PRH1: variants seen among roughly 807,000 people sequenced by gnomAD.
PRH1 encodes the protein salivary acidic proline-rich phosphoprotein 1/2.
In PRH1, 7 loss-of-function variants were observed where a neutral mutation model predicts 7.9. The observed-to-expected ratio is 0.89, with a 90% CI of 0.50 to 1.67. PRH1 has a LOEUF of 1.67. Ranked by LOEUF, PRH1 falls within the 40% of genes most tolerant of loss-of-function variation. PRH1 has a pLI of 0.00. For synonymous variants in PRH1, 45 were observed against 80.8 expected (o/e 0.56, Z 2.38); for missense variants, 109 against 223.6 (o/e 0.49, Z 3.27).
intron 1 of PRH1, among the ~76,000 whole-genome samples, chr12:10,982,305 G>C (rs1939393978): frequency 6.6e-6 from 1 of 152,166 alleles, no homozygotes; most frequent in South Asian, 2.1e-4. Context: ...AGTTCCAGGG[G>C]GCGGTCGTCC....
intron 2 of PRH1, among the ~76,000 whole-genome samples, chr12:10,963,804 T>C (rs1938370905): frequency 1.3e-5 from 2 of 152,228 alleles, no homozygotes; most frequent in South Asian, 4.1e-4. Context: ...ATTCCAAATA[T>C]ATTTTTCATC....
At chr12:11,161,088 C>A (rs1947400427) in intron 1 of PRH1, among the ~76,000 whole-genome samples, 1 of 152,116 alleles carries the variant, frequency 6.6e-6, no homozygotes, top group Admixed American at 6.5e-5. Context: ...CAGGCCCGTC[C>A]CATAAAAATT....
At chr12:11,029,841 C>T (rs1942097944) in intron 1 of PRH1, among the ~76,000 whole-genome samples, 1 of 152,148 alleles carries the variant, frequency 6.6e-6, no homozygotes, top group South Asian at 2.1e-4. Context: ...ATTCTCATTG[C>T]TTTTTACTAA....
intron 2 of PRH1, chr12:10,931,134 C>T (rs1277147183): frequency 1.9e-6 from 3 of 1,586,438 alleles, no homozygotes; most frequent in Non-Finnish European, 1.7e-6. Flanking sequence ...AGTTCTCCAA[C>T]TTCATTGTGC....
intron 1 of PRH1, among the ~76,000 whole-genome samples, chr12:11,063,595 T>C (rs1011196008): frequency 6.6e-6 from 1 of 152,106 alleles, no homozygotes; most frequent in Non-Finnish European, 1.5e-5. Flanking sequence ...ACATCTAATG[T>C]AGTTTGGAGG....
intron 1 of PRH1, among the ~76,000 whole-genome samples, chr12:10,883,571 C>G (rs992722846): frequency 6.6e-6 from 1 of 152,144 alleles, no homozygotes; most frequent in Non-Finnish European, 1.5e-5. Flanking sequence ...TGTTTGCAAG[C>G]CTTCTCAACA....
intron 1 of PRH1, among the ~76,000 whole-genome samples, chr12:10,977,797 C>A (rs187781673): frequency 1.4e-3 from 215 of 152,166 alleles, no homozygotes; most frequent in African/African-American, 5.0e-3. Flanking sequence ...AGAAAGCAAT[C>A]CCTTTCACAA....
intron 1 of PRH1, chr12:11,021,638 G>C: frequency 6.4e-7 from 1 of 1,569,862 alleles, no homozygotes; most frequent in Non-Finnish European, 8.7e-7. Context: ...CTCCCCTTGT[G>C]AATCTATGGA....
chr12:11,020,605 C>A (rs1424964664), intron 1 of PRH1, among the ~76,000 whole-genome samples: 1 of 151,578 alleles, frequency 6.6e-6, no homozygotes, highest in Non-Finnish European at 1.5e-5. Flanking sequence ...CCATTTACAC[C>A]ATTATAATAA....
At chr12:11,021,769 G>C in intron 1 of PRH1, 1 of 1,614,172 alleles carries the variant, frequency 6.2e-7, no homozygotes, top group South Asian at 1.1e-5. Context: ...ATACATGATT[G>C]CAACAGTTTG....
chr12:11,035,300 G>C (rs1304892642), intron 1 of PRH1, among the ~76,000 whole-genome samples: 2 of 142,526 alleles, frequency 1.4e-5, no homozygotes, highest in Non-Finnish European at 3.1e-5. Flanking sequence ...TAGTTGTTCT[G>C]ATTGTAGCTT....
At chr12:11,162,257 C>G (rs1947439535) in intron 1 of PRH1, among the ~76,000 whole-genome samples, 1 of 152,190 alleles carries the variant, frequency 6.6e-6, no homozygotes, top group South Asian at 2.1e-4. Flanking sequence ...GGGCAGGCGA[C>G]TCCACATAGC....
chr12:11,167,108 A>C (rs1947603505), intron 1 of PRH1, among the ~76,000 whole-genome samples: 1 of 152,170 alleles, frequency 6.6e-6, no homozygotes, highest in East Asian at 1.9e-4. Context: ...CATATTAACT[A>C]GTTCCAAAGA....
intron 1 of PRH1, among the ~76,000 whole-genome samples, chr12:11,032,989 G>A (rs1368328628): frequency 5.9e-5 from 9 of 152,074 alleles, no homozygotes; most frequent in Non-Finnish European, 1.0e-4. Flanking sequence ...AACTAATGAC[G>A]TGAGATTGCT....
At chr12:11,148,570 T>C (rs1290161640) in intron 1 of PRH1, among the ~76,000 whole-genome samples, 1 of 146,890 alleles carries the variant, frequency 6.8e-6, no homozygotes, top group Non-Finnish European at 1.5e-5. Context: ...TTTGGTTCTG[T>C]TTATATGCTG....
Position 10,917,337 on chromosome 12 carries a change from GATTAA to G in PRH1, c.-58-33067_-58-33063del. The stretch of plus-strand genomic sequence containing the variant: ...TAAGGGATTAATACAATAATTAAGG[GATTAA>G]ATATTTAATATTTATTGTTTCAGTA... On this transcript the variant is annotated intron_variant, in intron 2 of 3. Coordinates refer to the PRH1 transcript ENST00000539853. Among the ~76,000 whole-genome samples, 3 of 108,462 alleles carry G rather than the reference GATTAA, an allele frequency of 2.8e-5. No homozygotes were observed. In the South Asian group the frequency reaches 1.1e-3, roughly 40 times the overall value. 71.2% of individuals were successfully genotyped at this position (108,462 alleles called of 152,430 possible).
Position 11,122,807 on chromosome 12 carries a change from A to G in PRH1, n.40-1627T>C, listed in dbSNP as rs184260456. 6.5e-4 allele frequency among the ~76,000 whole-genome samples: 96 copies of G among 147,636 alleles called. 1 individual carries two copies. The highest frequency in any genetic ancestry group is 2.2e-3 in the African/African-American group (91 of 40,588). ...AATAATTTTTATAACTAGACTACAC[A>G]CTTAGAAATGGGCCAAAACAAAAAT... is the stretch of plus-strand genomic sequence containing the variant. On this transcript the variant is annotated intron_variant and non_coding_transcript_variant, in intron 1 of 1. Transcript: ENST00000541175.
intron 2 of PRH1, chr12:10,937,571 T>TA (rs1950309122): frequency 6.6e-6 from 1 of 152,174 alleles, no homozygotes; most frequent in African/African-American, 2.4e-5. Flanking sequence ...AGACAGCAGT[T>TA]ACGATCAGGA....
chr12:11,037,557 TCG>T (rs1942488142), intron 1 of PRH1, among the ~76,000 whole-genome samples: 2 of 152,228 alleles, frequency 1.3e-5, no homozygotes, highest in Admixed American at 6.5e-5. Context: ...TTAATATCCA[TCG>T]TAGTATAATT....
Sources: gnomAD v4.1 joint callset for allele counts (sites outside exome capture counted in the v4.1 genomes callset) on GRCh38, gnomAD v4.1.1 for gene constraint, MANE v1.5 for transcripts, NCBI Gene and HGNC (gene_info 2026-07-23, HGNC 2026-07-21) for gene names.